ECM2: variants seen among roughly 807,000 people sequenced by gnomAD.
ECM2 encodes extracellular matrix protein 2.
Under a neutral mutation model 67.5 loss-of-function variants are expected in ECM2, and 57 were observed. That is an observed-to-expected ratio of 0.84 (90% confidence interval 0.68 to 1.05). The LOEUF is 1.05. ECM2 is among the 50% of genes least tolerant of loss of function. ECM2 has a pLI of 0.00. For missense variants in ECM2, 741 were observed against 822.8 expected (o/e 0.90, Z 1.22); for synonymous variants, 258 against 294.5 (o/e 0.88, Z 1.27).
intron 1 of ECM2, among the ~76,000 whole-genome samples, chr9:92,525,538 C>G (rs1020897136): frequency 6.6e-6 from 1 of 152,102 alleles, no homozygotes; most frequent in Non-Finnish European, 1.5e-5. Flanking sequence ...TAACGCATTA[C>G]TCATAATGTT....
chr9:92,549,985 A>C, the ECM2 span, among the ~76,000 whole-genome samples: 1 of 152,232 alleles, frequency 6.6e-6, no homozygotes, highest in South Asian at 2.1e-4. Context: ...CTTCCCTTGA[A>C]GTCGCAGGTA....
At chr9:92,498,309 CGTT>C (rs2131142528) in intron 9 of ECM2, among the ~76,000 whole-genome samples, 1 of 151,854 alleles carries the variant, frequency 6.6e-6, no homozygotes, top group South Asian at 2.1e-4. Context: ...CAATCATAGA[CGTT>C]GGGGGAGGGA....
chr9:92,537,506 A>G (rs1036623470), upstream of ECM2, among the ~76,000 whole-genome samples: 7 of 152,026 alleles, frequency 4.6e-5, no homozygotes, highest in Non-Finnish European at 1.0e-4. Flanking sequence ...CTAACAGTAC[A>G]AAAATTAGCC....
downstream of ECM2, chr9:92,493,969 C>T (rs574409447): frequency 9.5e-5 from 90 of 943,716 alleles, no homozygotes; most frequent in Admixed American, 3.8e-4. Flanking sequence ...TGAGGGTGGC[C>T]GTAGTCTCCT....
chr9:92,505,673 T>C lies in ECM2; in HGVS notation c.1324A>G (p.Thr442Ala), dbSNP rs773392646. The change falls in exon 7 of 10, where the codon ACC becomes GCC. Residue 442 changes from threonine to alanine, a missense_variant. Thr to Ala is a moderately conservative substitution (Grantham distance 58, BLOSUM62 0). Coordinates refer to ENST00000344604, the MANE Select transcript of ECM2 (RefSeq NM_001393.4). ...ESLSDLNQLV[T>A]LELEGNNLSE... Reference sequence around the variant, plus strand: ...AGATTGTTTCCTTCCAATTCTAAGGTGACCAACTGATTTAAGTCTATAAAA... The same window carrying C: ...AGATTGTTTCCTTCCAATTCTAAGGCGACCAACTGATTTAAGTCTATAAAA... 6.3e-7 allele frequency: 1 copy of C among 1,585,812 alleles called. No homozygotes were observed. The highest frequency in any genetic ancestry group is 2.2e-5 in the East Asian group (1 of 44,564).
intron 6 of ECM2, among the ~76,000 whole-genome samples, chr9:92,507,475 A>G (rs548558394): frequency 9.8e-5 from 15 of 152,304 alleles, no homozygotes; most frequent in African/African-American, 3.4e-4. Flanking sequence ...ATTCTCTGGT[A>G]TATATAGGAA....
intron 1 of ECM2, among the ~76,000 whole-genome samples, chr9:92,533,120 A>C (rs1184191096): frequency 6.6e-6 from 1 of 150,804 alleles, no homozygotes; most frequent in Non-Finnish European, 1.5e-5. Context: ...AATATGGTGA[A>C]ACCCCGTCTC....
the ECM2 span, among the ~76,000 whole-genome samples, chr9:92,546,624 G>A: frequency 6.6e-6 from 1 of 152,160 alleles, no homozygotes; most frequent in Non-Finnish European, 1.5e-5. Flanking sequence ...TGGAACACCA[G>A]AAGGAACAAA....
At chr9:92,505,111 A>G (rs750433054) in intron 7 of ECM2, among the ~76,000 whole-genome samples, 1 of 152,242 alleles carries the variant, frequency 6.6e-6, no homozygotes, top group African/African-American at 2.4e-5. Context: ...CTGTTAGGTC[A>G]GAGTGTCTGT....
the ECM2 span, among the ~76,000 whole-genome samples, chr9:92,548,019 A>G: frequency 6.6e-6 from 1 of 152,248 alleles, no homozygotes; most frequent in Non-Finnish European, 1.5e-5. Context: ...GTGGATATGT[A>G]TGTAAAAAAT....
intron 6 of ECM2, among the ~76,000 whole-genome samples, chr9:92,506,768 T>C (rs1313783721): frequency 2.0e-5 from 3 of 152,180 alleles, no homozygotes; most frequent in Non-Finnish European, 4.4e-5. Context: ...AATAGCCAGC[T>C]GAGCACATGT....
chr9:92,509,782 A>C (rs1329550321), intron 6 of ECM2, 117 bp downstream of exon 6: 2 of 1,133,624 alleles, frequency 1.8e-6, no homozygotes, highest in East Asian at 5.8e-5. Flanking sequence ...CAAATGGTTA[A>C]GTGACCTAAA....
chr9:92,549,100 G>T, the ECM2 span, among the ~76,000 whole-genome samples: 1 of 152,160 alleles, frequency 6.6e-6, no homozygotes, highest in Non-Finnish European at 1.5e-5. Context: ...GTAGCTACTT[G>T]ATTTTCTCAC....
the ECM2 span, among the ~76,000 whole-genome samples, chr9:92,547,266 A>G: frequency 6.6e-6 from 1 of 152,236 alleles, no homozygotes; most frequent in East Asian, 1.9e-4. Context: ...CTGACAGATT[A>G]TCTACAAGAA....
In ECM2 at chr9:92,495,904, T is replaced by C. The variant is rs79708497; in HGVS notation, c.*411A>G. ...ACACTTATTCATAAATTCTGCCTGC[T>C]TTTTTTGTTGTCATTATGCTTCTTA... On this transcript the variant is annotated 3_prime_UTR_variant, in exon 10 of 10. Coordinates refer to ENST00000344604, the MANE Select transcript of ECM2 (RefSeq NM_001393.4). 1,082 of 983,848 alleles carry C rather than the reference T, an allele frequency of 1.1e-3. 8 individuals carry two copies. In the African/African-American group the frequency reaches 0.014, roughly 13 times the overall value. 60.9% of individuals were successfully genotyped at this position (983,848 alleles called of 1,614,324 possible).
chr9:92,495,948 C>A lies in ECM2; in HGVS notation c.*367G>T. Reference sequence around the variant, plus strand: ...CTTCTTAATCTTGAACCAAAAGATACATAATTTTTAAAGGGACTTACAGAG... The same window carrying A: ...CTTCTTAATCTTGAACCAAAAGATAAATAATTTTTAAAGGGACTTACAGAG... On this transcript the variant is annotated 3_prime_UTR_variant, in exon 10 of 10. Coordinates refer to ENST00000344604, the MANE Select transcript of ECM2 (RefSeq NM_001393.4). The A allele has an allele frequency of 1.0e-6, 1 of 986,750 alleles. No homozygotes were observed. The highest frequency in any genetic ancestry group is 1.7e-5 in the African/African-American group (1 of 57,428). 61.1% of individuals were successfully genotyped at this position (986,750 alleles called of 1,614,324 possible). A position where few individuals can be genotyped will look rare whatever the true frequency, so the allele number is the denominator to read the frequency against.
Position 92,505,592 on chromosome 9 carries a change from A to G in ECM2, c.1405T>C (p.Leu469=), listed in dbSNP as rs150773107. ...CTAAATTTATTTTTTCCCAGACGCA[A>G]GTAGGCTAGGCTCTTCAAAGGTTTG... ...AFKPLKSLAY[L]RLGKNKFRII... Residue 469 remains leucine (L), a synonymous_variant, in exon 7 of 10, where the codon TTG becomes CTG. Transcript: ENST00000344604. 161 of 1,609,878 alleles carry G rather than the reference A, an allele frequency of 1.0e-4. 2 individuals carry two copies. The highest frequency in any genetic ancestry group is 9.9e-4 in the Middle Eastern group (6 of 6,058).
chr9:92,530,758 T>C (rs548047661), intron 1 of ECM2, among the ~76,000 whole-genome samples: 4 of 152,298 alleles, frequency 2.6e-5, no homozygotes, highest in Admixed American at 1.3e-4. Context: ...TAACTGAGTA[T>C]ATTATGTGGT....
intron 5 of ECM2, among the ~76,000 whole-genome samples, chr9:92,510,691 T>C (rs1483551758): frequency 2.0e-5 from 3 of 152,214 alleles, no homozygotes; most frequent in Non-Finnish European, 4.4e-5. Flanking sequence ...TAAAGTCCCA[T>C]GGAATGATTC....
Sources: gnomAD v4.1 joint callset for allele counts (sites outside exome capture counted in the v4.1 genomes callset) on GRCh38, gnomAD v4.1.1 for gene constraint, MANE v1.5 for transcripts, NCBI Gene and HGNC (gene_info 2026-07-23, HGNC 2026-07-21) for gene names.